Variants in INPP4B observed in about 807,000 individuals in gnomAD.
INPP4B encodes inositol polyphosphate 4-phosphatase type II.
INPP4B carries 55 observed loss-of-function variants against 122.5 expected under a neutral mutation model. The ratio of observed to expected loss-of-function variants is 0.45; its 90% CI spans 0.36 to 0.56. The LOEUF is 0.56. INPP4B is among the 20% of genes least tolerant of loss of function. The pLI is 0.00. For synonymous variants in INPP4B, 403 were observed against 388.7 expected (o/e 1.04, Z -0.43); for missense variants, 1,000 against 1,097.7 (o/e 0.91, Z 1.26).
At chr4:142,285,288 T>G (rs1232891589) in intron 9 of INPP4B, among the ~76,000 whole-genome samples, 1 of 151,720 alleles carries the variant, frequency 6.6e-6, no homozygotes, top group Non-Finnish European at 1.5e-5. Flanking sequence ...TCACAAGAAG[T>G]CTGGGAGGAG....
At chr4:142,223,929 G>A (rs1414174112) in intron 12 of INPP4B, among the ~76,000 whole-genome samples, 5 of 152,074 alleles carry the variant, frequency 3.3e-5, no homozygotes, top group African/African-American at 9.7e-5. Flanking sequence ...ACACATCTAC[G>A]AAGTTTATTT....
intron 1 of INPP4B, among the ~76,000 whole-genome samples, chr4:142,818,419 CA>C (rs1224230605): frequency 6.6e-6 from 1 of 150,658 alleles, no homozygotes; most frequent in African/African-American, 2.5e-5. Flanking sequence ...GTTTTTTCTA[CA>C]AAAAAGGAAG....
At chr4:142,299,589 TTTTCCATCCATGC>T (rs1270932235) in intron 9 of INPP4B, among the ~76,000 whole-genome samples, 2 of 152,020 alleles carry the variant, frequency 1.3e-5, no homozygotes, top group African/African-American at 2.4e-5. Context: ...TTCCTCTAAT[TTTTCCATCCATGC>T]TTTCCATCCA....
chr4:142,232,165 G>A (rs1854668106), intron 12 of INPP4B, among the ~76,000 whole-genome samples: 1 of 152,022 alleles, frequency 6.6e-6, no homozygotes, highest in African/African-American at 2.4e-5. Flanking sequence ...AGTTCATATT[G>A]TATTTACTAA....
At chr4:142,796,180 T>C (rs1383998660) in intron 1 of INPP4B, among the ~76,000 whole-genome samples, 1 of 151,936 alleles carries the variant, frequency 6.6e-6, no homozygotes, top group African/African-American at 2.4e-5. Context: ...TAAGAGATGC[T>C]TGTAGAATGA....
At chr4:142,075,132 A>G (rs1330936722) in intron 25 of INPP4B, among the ~76,000 whole-genome samples, 1 of 152,052 alleles carries the variant, frequency 6.6e-6, no homozygotes, top group Non-Finnish European at 1.5e-5. Flanking sequence ...AGTGGCTATT[A>G]TAATTTCAAA....
At position 142,405,279 on chromosome 4, in the gene INPP4B, G is replaced by A; in HGVS notation, c.182C>T (p.Thr61Ile). 6.2e-7 allele frequency: 1 copy of A among 1,613,704 alleles called. No homozygotes were observed. Among genetic ancestry groups the A allele is most frequent in the Non-Finnish European group, 8.5e-7 (1 of 1,179,744 alleles). Residue 61 changes from threonine (T) to isoleucine (I), a missense_variant, in exon 6 of 26, where the codon ACA becomes ATA. Transcript: ENST00000262992. Reference sequence around the variant, plus strand: ...GTGGATTACGGAGATCTGCACCAGTGTATTCAGTTTACGATCACGGACAGG... The same window carrying A: ...GTGGATTACGGAGATCTGCACCAGTATATTCAGTTTACGATCACGGACAGG... ...VAPVRDRKLN[T>I]LVQISVIHPV...
At chr4:142,477,606 A>T (rs2149720081) in intron 2 of INPP4B, among the ~76,000 whole-genome samples, 1 of 152,224 alleles carries the variant, frequency 6.6e-6, no homozygotes, top group East Asian at 1.9e-4. Flanking sequence ...TTACCACTTG[A>T]CCTCACAGAA....
At chr4:142,753,452 T>C (rs1366611067) in intron 1 of INPP4B, among the ~76,000 whole-genome samples, 1 of 152,092 alleles carries the variant, frequency 6.6e-6, no homozygotes, top group Non-Finnish European at 1.5e-5. Flanking sequence ...ATGTACTGAT[T>C]GTCATTTCAA....
chr4:142,806,791 GAAAGAAA>G (rs1778866215), intron 1 of INPP4B, among the ~76,000 whole-genome samples: 1 of 96,274 alleles, frequency 1.0e-5, no homozygotes, highest in African/African-American at 4.2e-5. Flanking sequence ...AAGAAGGAAA[GAAAGAAA>G]GAAAGAAAGA....
intron 25 of INPP4B, among the ~76,000 whole-genome samples, chr4:142,072,032 G>A (rs1767718267): frequency 6.6e-6 from 1 of 152,116 alleles, no homozygotes; most frequent in African/African-American, 2.4e-5. Flanking sequence ...AAAGACACAT[G>A]CACACATATG....
At chr4:142,311,590 A>G (rs1184735935) in intron 8 of INPP4B, among the ~76,000 whole-genome samples, 1 of 152,148 alleles carries the variant, frequency 6.6e-6, no homozygotes, top group African/African-American at 2.4e-5. Flanking sequence ...GCTCTCATGG[A>G]GTACATCTAG....
At chr4:142,472,266 GA>G (rs1163065220) in intron 2 of INPP4B, among the ~76,000 whole-genome samples, 1 of 148,938 alleles carries the variant, frequency 6.7e-6, no homozygotes, top group Non-Finnish European at 1.5e-5. Context: ...AGCATCAAAT[GA>G]AAAAAATGCA....
intron 2 of INPP4B, chr4:142,560,568 C>T (rs1730234005): frequency 6.6e-6 from 1 of 152,202 alleles, no homozygotes; most frequent in Non-Finnish European, 1.5e-5. Context: ...AGCCTTCAAT[C>T]TGTGGTCGAA....
intron 2 of INPP4B, among the ~76,000 whole-genome samples, chr4:142,631,846 A>C (rs73850522): frequency 1.3e-5 from 2 of 152,276 alleles, no homozygotes; most frequent in African/African-American, 4.8e-5. Flanking sequence ...TCAAGAATGA[A>C]GGTGAACAAA....
chr4:142,025,891 G>C lies in INPP4B; in HGVS notation c.*2891C>G, dbSNP rs1028282809. The C allele has an allele frequency of 6.6e-6, 1 of 152,062 alleles. No homozygotes were observed. Among genetic ancestry groups the C allele is most frequent in the Non-Finnish European group, 1.5e-5 (1 of 68,014 alleles). 9.4% of individuals were successfully genotyped at this position (152,062 alleles called of 1,614,324 possible). ...CAAACTTATGTTCAGGGATTGTTTT[G>C]GCAGAGTGTAGACAAACCTCAAGGC... On this transcript the variant is annotated 3_prime_UTR_variant, in exon 26 of 26. Transcript: ENST00000262992.
At chr4:142,366,635 C>T (rs1382982201) in intron 7 of INPP4B, among the ~76,000 whole-genome samples, 4 of 152,062 alleles carry the variant, frequency 2.6e-5, no homozygotes, top group African/African-American at 4.8e-5. Context: ...TAGGAGGATT[C>T]AGTGTGAATT....
chr4:142,120,232 CTTGA>C (rs1386874016), intron 21 of INPP4B, among the ~76,000 whole-genome samples: 1 of 151,966 alleles, frequency 6.6e-6, no homozygotes, highest in Non-Finnish European at 1.5e-5. Context: ...ACTACATTGT[CTTGA>C]TTATTATAGT....
At chr4:142,136,410 A>G (rs1363409076) in intron 18 of INPP4B, among the ~76,000 whole-genome samples, 4 of 152,216 alleles carry the variant, frequency 2.6e-5, no homozygotes, top group Non-Finnish European at 4.4e-5. Flanking sequence ...GGCAACTCAG[A>G]GCATTAATCT....
Sources: allele counts gnomAD v4.1 joint callset (sites outside exome capture counted in the v4.1 genomes callset), GRCh38; gene constraint gnomAD v4.1.1; transcripts MANE v1.5; gene names NCBI Gene and HGNC (gene_info 2026-07-23, HGNC 2026-07-21).